COL11A1: variants seen among roughly 807,000 people sequenced by gnomAD.
The protein encoded by COL11A1 is collagen type XI alpha 1 chain.
A neutral mutation model predicts 265.2 loss-of-function variants in COL11A1; 74 were observed. The ratio of observed to expected loss-of-function variants is 0.28; its 90% confidence interval spans 0.23 to 0.34. The LOEUF (loss-of-function observed/expected upper bound fraction) is 0.34, where lower values mean the gene tolerates loss of function less well. Ranked by LOEUF, COL11A1 falls within the 10% of genes least tolerant of loss-of-function variation. The pLI is 1.00. For missense variants in COL11A1, 2,165 were observed against 2,263.6 expected, an observed-to-expected ratio of 0.96 and a Z score of 0.88; for synonymous variants, 816 against 727.6, an observed-to-expected ratio of 1.12 and a Z score of -1.96.
chr1:102,975,307 C>A (rs1345587483), intron 35 of COL11A1, among the ~76,000 whole-genome samples: 1 of 150,254 alleles, frequency 6.7e-6, no homozygotes, highest in Non-Finnish European at 1.5e-5. Context: ...ATTCTATCTT[C>A]TATCCCTGTT....
intron 12 of COL11A1, among the ~76,000 whole-genome samples, chr1:103,015,346 T>C (rs1337048384): frequency 6.6e-6 from 1 of 151,806 alleles, no homozygotes; most frequent in African/African-American, 2.4e-5. Context: ...AGATGGTAAA[T>C]AGTATATTAA....
At chr1:102,951,094 T>TC (rs899940556) in intron 41 of COL11A1, among the ~76,000 whole-genome samples, 2 of 152,166 alleles carry the variant, frequency 1.3e-5, no homozygotes, top group Non-Finnish European at 2.9e-5. Flanking sequence ...TTATCTAGTC[T>TC]CGGGCAGTTC....
chr1:103,103,592 C>G lies in COL11A1; in HGVS notation c.106+4481G>C, dbSNP rs138956950. ...AATTTCTTTATATAAGACATTTTCA[C>G]TATATCTACCTTCTCACTAATCTAA... On this transcript the variant is annotated intron_variant, in intron 1 of 66. Coordinates refer to ENST00000370096, the MANE Select transcript of COL11A1 (RefSeq NM_001854.4). Among the ~76,000 whole-genome samples the G allele has an allele frequency of 2.8e-3, 429 of 152,020 alleles. 1 individual carries two copies. Among genetic ancestry groups the G allele is most frequent in the South Asian group, 5.6e-3 (27 of 4,824 alleles).
chr1:102,911,503 G>A (rs1383641882), intron 54 of COL11A1, among the ~76,000 whole-genome samples: 3 of 152,104 alleles, frequency 2.0e-5, no homozygotes, highest in Non-Finnish European at 4.4e-5. Context: ...ACTGCAGGTG[G>A]TACAGAAGAA....
Position 103,011,398 on chromosome 1 carries a change from G to A in COL11A1, c.1629+1015C>T, listed in dbSNP as rs143784993. The stretch of plus-strand genomic sequence containing the variant: ...TATAATTTAAATTCTATGAAACATA[G>A]TATCAGAATATGTGTTCCCCGTGAG... On this transcript the variant is annotated intron_variant, in intron 14 of 66. Coordinates refer to ENST00000370096, the MANE Select transcript of COL11A1 (RefSeq NM_001854.4). Among the ~76,000 whole-genome samples, 1,315 of 152,058 alleles carry A rather than the reference G, an allele frequency of 8.6e-3. 17 individuals are homozygous for A. Among genetic ancestry groups the A allele is most frequent in the Non-Finnish European group, 0.014 (926 of 67,966 alleles).
intron 66 of COL11A1, 111 bp downstream of exon 66, chr1:102,879,572 T>C: frequency 1.1e-6 from 1 of 895,596 alleles, no homozygotes; most frequent in East Asian, 2.6e-5. Context: ...CAACAAATGT[T>C]AATAACAACT....
At chr1:103,002,875 A>T (rs1459631520) in intron 21 of COL11A1, 84 bp from the exon 22 acceptor site, 8 of 1,238,084 alleles carry the variant, frequency 6.5e-6, no homozygotes, top group Middle Eastern at 2.1e-4. Flanking sequence ...TAATATCATG[A>T]TATTCACTAC....
intron 53 of COL11A1, among the ~76,000 whole-genome samples, chr1:102,912,683 A>G (rs1654830232): frequency 1.3e-5 from 2 of 152,166 alleles, no homozygotes; most frequent in African/African-American, 4.8e-5. Context: ...CTCATCTTGA[A>G]TTGTAGTTCC....
At chr1:103,000,014 C>T (rs79289576) in intron 24 of COL11A1, among the ~76,000 whole-genome samples, 1,780 of 151,858 alleles carry the variant, frequency 0.012, 12 homozygotes, top group Non-Finnish European at 0.015. Context: ...AGCAGTATTA[C>T]ATAAAACAGC....
intron 20 of COL11A1, 117 bp downstream of exon 20, chr1:103,004,327 A>G: frequency 1.4e-6 from 1 of 737,344 alleles, no homozygotes; most frequent in Non-Finnish European, 2.3e-6. Context: ...TTATCTGGTT[A>G]GCTTAGCTAA....
At position 103,081,258 on chromosome 1, in the gene COL11A1, A is replaced by G. The variant is rs1017643470; in HGVS notation, c.274+1547T>C. 2.0e-5 allele frequency among the ~76,000 whole-genome samples: 3 copies of G among 152,024 alleles called. No homozygotes were observed. The South Asian group carries it at 6.2e-4, about 31-fold the overall frequency. On this transcript the variant is annotated intron_variant, in intron 2 of 66. Transcript: ENST00000370096. ...TGACCCTGAGATAATGAGCTAAAGT[A>G]TAAAAATTGTAACCTGTAATCTGAG...
At chr1:103,045,408 G>T (rs1377670008) in intron 4 of COL11A1, among the ~76,000 whole-genome samples, 1 of 151,994 alleles carries the variant, frequency 6.6e-6, no homozygotes, top group Non-Finnish European at 1.5e-5. Flanking sequence ...TCAATTAAAG[G>T]CTCTTGCAAT....
intron 3 of COL11A1, 74 bp from the exon 4 acceptor site, chr1:103,074,854 G>T (rs1671851899): frequency 1.3e-6 from 2 of 1,501,210 alleles, no homozygotes; most frequent in South Asian, 1.1e-5. Flanking sequence ...ACATAAAAAT[G>T]CTGTGTATTT....
intron 58 of COL11A1, 92 bp from the exon 59 acceptor site, chr1:102,889,654 G>T: frequency 1.1e-6 from 1 of 905,008 alleles, no homozygotes; most frequent in Non-Finnish European, 1.8e-6. Context: ...AATTTCTAAA[G>T]CATAAAAATG....
chr1:102,995,603 A>G (rs1039573205), intron 28 of COL11A1, among the ~76,000 whole-genome samples: 1 of 148,006 alleles, frequency 6.8e-6, no homozygotes, highest in African/African-American at 2.5e-5. Context: ...ACTTAAGCAC[A>G]TGTAAAAAAA....
intron 7 of COL11A1, among the ~76,000 whole-genome samples, chr1:103,023,845 A>C (rs1667303980): frequency 6.6e-6 from 1 of 152,160 alleles, no homozygotes; most frequent in Admixed American, 6.6e-5. Context: ...TATTACACCA[A>C]AGAGTTCTTT....
intron 4 of COL11A1, among the ~76,000 whole-genome samples, chr1:103,065,569 C>CAA (rs752434725): frequency 0.029 from 1,417 of 48,276 alleles, 33 homozygotes; most frequent in African/African-American, 0.088. Flanking sequence ...AACAAACAAA[C>CAA]AAACAAAAAA....
At chr1:102,918,355 CAA>C (rs2101054449) in intron 49 of COL11A1, among the ~76,000 whole-genome samples, 2 of 151,696 alleles carry the variant, frequency 1.3e-5, no homozygotes, top group South Asian at 4.1e-4. Context: ...TAGTGAAGTG[CAA>C]AAGTTATTTA....
chr1:103,025,546 G>A lies in COL11A1; in HGVS notation c.965C>T (p.Pro322Leu), dbSNP rs183130583. 1.7e-4 allele frequency: 279 copies of A among 1,613,352 alleles called. No homozygotes were observed. In the Admixed American group the frequency reaches 4.4e-3, roughly 26 times the overall value. The change falls in exon 7 of 67, where the codon CCT (proline) becomes CTT (leucine). Residue 322 changes from proline to leucine, a missense_variant. Physicochemically the swap from Pro to Leu is moderately conservative, Grantham distance 98 (BLOSUM62 -3). Coordinates refer to ENST00000370096, the MANE Select transcript of COL11A1 (RefSeq NM_001854.4). ...GTMESYQTEA[P>L]RHVSGTNEPN... ...CTCATTTGTCCCAGAAACATGCCTAGGAGCTTCTGTCTGGTAACTTTCCAT... is the reference window on the plus strand; with the variant it reads ...CTCATTTGTCCCAGAAACATGCCTAAGAGCTTCTGTCTGGTAACTTTCCAT...
Sources: allele counts gnomAD v4.1 joint callset (sites outside exome capture counted in the v4.1 genomes callset), GRCh38; gene constraint gnomAD v4.1.1; transcripts MANE v1.5; gene names NCBI Gene and HGNC (gene_info 2026-07-23, HGNC 2026-07-21).